BDNF: variants seen among roughly 807,000 people sequenced by gnomAD.
BDNF encodes neurotrophic factor BDNF precursor form.
BDNF carries 1 observed loss-of-function variant against 19.5 expected under a neutral mutation model. The observed-to-expected ratio is 0.05, with a 90% CI of 0.02 to 0.24. BDNF has a LOEUF of 0.24. BDNF is among the 10% of genes least tolerant of loss of function. The pLI is 1.00. For missense variants in BDNF, 195 were observed against 317.6 expected, an observed-to-expected ratio of 0.61 and a Z score of 2.93; for synonymous variants, 100 against 121.6, an observed-to-expected ratio of 0.82 and a Z score of 1.17.
intron 1 of BDNF, among the ~76,000 whole-genome samples, chr11:27,713,302 G>T (rs916507085): frequency 6.6e-6 from 1 of 152,196 alleles, no homozygotes; most frequent in African/African-American, 2.4e-5. Flanking sequence ...TCCTACTAAA[G>T]TAGCCAGAAC....
intron 1 of BDNF, among the ~76,000 whole-genome samples, chr11:27,659,862 A>G (rs551431161): frequency 1.3e-5 from 2 of 152,338 alleles, no homozygotes; most frequent in South Asian, 2.1e-4. Flanking sequence ...AGCATGCTCT[A>G]GGAAGCCAAT....
intron 1 of BDNF, chr11:27,698,105 C>T (rs1244936419): frequency 6.6e-6 from 1 of 151,856 alleles, no homozygotes; most frequent in African/African-American, 2.4e-5. Flanking sequence ...GACTTTATGG[C>T]CCTGGAATTC....
At chr11:27,672,416 G>A (rs1729890995) in intron 1 of BDNF, among the ~76,000 whole-genome samples, 1 of 152,150 alleles carries the variant, frequency 6.6e-6, no homozygotes, top group African/African-American at 2.4e-5. Context: ...CTTTCAGCCA[G>A]ATGTCTCTGG....
chr11:27,657,154 T>C lies in BDNF; in HGVS notation c.*667A>G, dbSNP rs1389575862. ...CGATATTGCAAACATCTTCACAACA[T>C]ACAAATGTATCTTTTATCAGCCAGA... On this transcript the variant is annotated 3_prime_UTR_variant, in exon 2 of 2. Coordinates refer to ENST00000356660, the MANE Select transcript of BDNF (RefSeq NM_001709.5). The surrounding 1 kb of genome is among the most constrained non-coding windows in gnomAD (Gnocchi z 5.0). The C allele has an allele frequency of 6.1e-6, 6 of 982,168 alleles. No individual in the cohort carries two copies. The highest frequency in any genetic ancestry group is 1.8e-5 in the African/African-American group (1 of 57,094). 60.8% of individuals were successfully genotyped at this position (982,168 alleles called of 1,614,324 possible). A position where few individuals can be genotyped will look rare whatever the true frequency, so the allele number is the denominator to read the frequency against.
chr11:27,707,382 A>G (rs1480017473), intron 1 of BDNF, among the ~76,000 whole-genome samples: 1 of 152,236 alleles, frequency 6.6e-6, no homozygotes, highest in African/African-American at 2.4e-5. Flanking sequence ...CTGTAAAATC[A>G]GTCCAATTGG....
At chr11:27,705,289 G>T (rs1860066316), upstream of BDNF, among the ~76,000 whole-genome samples, 1 of 152,158 alleles carries the variant, frequency 6.6e-6, no homozygotes, top group Non-Finnish European at 1.5e-5. Flanking sequence ...AGTTGGTTTT[G>T]CTAGGAGAAA....
intron 1 of BDNF, among the ~76,000 whole-genome samples, chr11:27,663,896 TA>T (rs1853872148): frequency 6.6e-6 from 1 of 152,216 alleles, no homozygotes; most frequent in Non-Finnish European, 1.5e-5. Flanking sequence ...AAGGCTTGAT[TA>T]CTTAAATGGA....
intron 1 of BDNF, chr11:27,696,268 T>C (rs761933151): frequency 6.6e-6 from 1 of 152,196 alleles, no homozygotes. Flanking sequence ...AGCCACTCTA[T>C]GTTTCCTAGG....
intron 1 of BDNF, among the ~76,000 whole-genome samples, chr11:27,693,937 A>G (rs1367819861): frequency 1.3e-5 from 2 of 152,154 alleles, no homozygotes; most frequent in South Asian, 2.1e-4. Flanking sequence ...CTTTAGATAT[A>G]TGTGCATACA....
intron 1 of BDNF, among the ~76,000 whole-genome samples, chr11:27,682,119 A>G (rs1478797509): frequency 1.3e-5 from 2 of 152,142 alleles, no homozygotes. Context: ...TAATGCAAGT[A>G]CTTGGATAGT....
intron 1 of BDNF, among the ~76,000 whole-genome samples, chr11:27,680,836 G>T (rs16917237): frequency 0.17 from 25,313 of 152,116 alleles, 2,896 homozygotes; most frequent in East Asian, 0.47. Context: ...CATACTTCTG[G>T]TAATCAATTA....
intron 1 of BDNF, chr11:27,674,473 C>T: frequency 1.4e-6 from 2 of 1,410,566 alleles, no homozygotes; most frequent in South Asian, 1.6e-5. Context: ...ATTTCAACAG[C>T]ACGAGTAAGG....
intron 1 of BDNF, among the ~76,000 whole-genome samples, chr11:27,712,722 C>T (rs1860379838): frequency 6.6e-6 from 1 of 151,886 alleles, no homozygotes; most frequent in African/African-American, 2.4e-5. Flanking sequence ...GCCATGTTGG[C>T]CAGGCTGGTC....
intron 1 of BDNF, among the ~76,000 whole-genome samples, chr11:27,663,519 C>T (rs374988872): frequency 6.6e-6 from 1 of 152,214 alleles, no homozygotes; most frequent in Admixed American, 6.5e-5. Context: ...TCATAACTTA[C>T]ATTTGTCTAA....
chr11:27,720,901 C>CATTTT (rs1590514188), intron 1 of BDNF: 1 of 431,070 alleles, frequency 2.3e-6, no homozygotes, highest in Non-Finnish European at 3.0e-6. Flanking sequence ...GAGGATTACC[C>CATTTT]ATTACCGGTG....
intron 1 of BDNF, chr11:27,699,705 C>T: frequency 7.2e-7 from 1 of 1,395,600 alleles, no homozygotes; most frequent in Non-Finnish European, 9.3e-7. Flanking sequence ...AAGGCGCAAG[C>T]TTCCCTCCCA....
chr11:27,671,477 A>T (rs77135086), intron 1 of BDNF, among the ~76,000 whole-genome samples: 7,478 of 152,236 alleles, frequency 0.049, 243 homozygotes, highest in Non-Finnish European at 0.074. Flanking sequence ...AATTGTATTT[A>T]AATACACAGA....
chr11:27,700,524 CCCCCCCCCCG>C (rs1859800403), upstream of BDNF: 3 of 216,716 alleles, frequency 1.4e-5, no homozygotes, highest in South Asian at 2.0e-4. Flanking sequence ...GGCGCCGCCC[CCCCCCCCCCG>C]CCCCCCGCCC....
chr11:27,721,343 G>T, intron 1 of BDNF: 1 of 1,569,268 alleles, frequency 6.4e-7, no homozygotes, highest in Non-Finnish European at 8.8e-7. Context: ...AGGAAGAGCC[G>T]TGATATGCCC....
Sources: gnomAD v4.1 joint callset for allele counts (sites outside exome capture counted in the v4.1 genomes callset) on GRCh38, gnomAD v4.1.1 for gene constraint, Gnocchi (gnomAD v3.1) non-coding constraint, MANE v1.5 for transcripts, NCBI Gene and HGNC (gene_info 2026-07-23, HGNC 2026-07-21) for gene names.